NADK2: variants seen among roughly 807,000 people sequenced by gnomAD.
The protein encoded by NADK2 is NAD kinase domain-containing protein 1, mitochondrial.
Under a neutral mutation model 62.1 loss-of-function variants are expected in NADK2, and 35 were observed. The observed-to-expected ratio is 0.56, with a 90% CI of 0.43 to 0.75. The LOEUF is 0.75. Among genes scored for constraint, NADK2 ranks in the 30% least tolerant of loss-of-function variants. NADK2 has a pLI of 0.00. For synonymous variants in NADK2, 205 were observed against 207.9 expected (o/e 0.99, Z 0.12); for missense variants, 439 against 561.3 (o/e 0.78, Z 2.20).
At chr5:36,238,059 T>G (rs913940776) in intron 1 of NADK2, among the ~76,000 whole-genome samples, 3 of 152,186 alleles carry the variant, frequency 2.0e-5, no homozygotes, top group African/African-American at 7.2e-5. Flanking sequence ...GAGCAAGGAT[T>G]CAGTTAGAAA....
intron 8 of NADK2, among the ~76,000 whole-genome samples, chr5:36,202,762 T>C (rs1746494076): frequency 2.0e-5 from 3 of 152,082 alleles, no homozygotes; most frequent in South Asian, 4.1e-4. Context: ...GGAGGAGCTA[T>C]GTTTAGAAGG....
In NADK2 at chr5:36,241,383, C is replaced by G; in HGVS notation, c.300+116G>C. 1 of 1,353,416 alleles carries G rather than the reference C, an allele frequency of 7.4e-7. No individual in the cohort carries two copies. The highest frequency in any genetic ancestry group is 2.8e-4 in the Middle Eastern group (1 of 3,554). The allele number at this position is 1,353,416 out of a possible 1,614,324, so 83.8% of individuals were successfully genotyped here. On this transcript the variant is annotated intron_variant, in intron 1 of 11. Transcript: ENST00000381937. This position sits in a 1 kb window ranked among gnomAD's most constrained non-coding sequence, Gnocchi z 4.9. ...CCTGGGGGCCGCGAGAGAGGCAGGA[C>G]CGGCATCTGCGGTGCCCTGGGAAGA...
At position 36,241,827 on chromosome 5, in the gene NADK2, G is replaced by C; in HGVS notation, c.-29C>G. The C allele has an allele frequency of 7.9e-7, 1 of 1,273,766 alleles. No homozygotes were observed. Among genetic ancestry groups the C allele is most frequent in the African/African-American group, 1.6e-5 (1 of 63,542 alleles). 78.9% of individuals were successfully genotyped at this position (1,273,766 alleles called of 1,614,324 possible). A position where few individuals can be genotyped will look rare whatever the true frequency, so the allele number is the denominator to read the frequency against. On this transcript the variant is annotated 5_prime_UTR_variant, in exon 1 of 12. Transcript: ENST00000381937. The surrounding 1 kb of genome is among the most constrained non-coding windows in gnomAD (Gnocchi z 4.9). Reference sequence around the variant, plus strand: ...GGGCCGGGCCGCGGCCGCGGGCTTGGGCTCGGGCCCCTTGCCTCAGCTCCC... The same window carrying C: ...GGGCCGGGCCGCGGCCGCGGGCTTGCGCTCGGGCCCCTTGCCTCAGCTCCC...
intron 10 of NADK2, among the ~76,000 whole-genome samples, chr5:36,199,787 C>G (rs1746370502): frequency 1.3e-5 from 2 of 151,960 alleles, no homozygotes; most frequent in Non-Finnish European, 2.9e-5. Flanking sequence ...TCTAACAGCA[C>G]TAATTCTCTT....
chr5:36,203,981 A>AT (rs1746543150), intron 8 of NADK2, among the ~76,000 whole-genome samples: 1 of 152,108 alleles, frequency 6.6e-6, no homozygotes, highest in Non-Finnish European at 1.5e-5. Flanking sequence ...ATGACAGTGA[A>AT]AAGGGCACTG....
intron 4 of NADK2, among the ~76,000 whole-genome samples, chr5:36,220,372 G>A (rs1747218874): frequency 6.6e-6 from 1 of 152,298 alleles, no homozygotes; most frequent in Non-Finnish European, 1.5e-5. Context: ...GGTTGGTGTA[G>A]ATGAGAGTAT....
intron 4 of NADK2, 71 bp from the exon 5 acceptor site, chr5:36,219,750 C>A: frequency 1.8e-6 from 2 of 1,087,982 alleles, no homozygotes; most frequent in South Asian, 1.3e-5. Context: ...AAAATTTAAT[C>A]AAAAGGTATC....
At chr5:36,229,849 A>T (rs1747639979) in intron 1 of NADK2, among the ~76,000 whole-genome samples, 1 of 150,392 alleles carries the variant, frequency 6.6e-6, no homozygotes, top group Admixed American at 6.6e-5. Flanking sequence ...CATGTTCAAT[A>T]TCTAGCCCTT....
rs1210035214 is a variant in NADK2 at position 36,207,205 on chromosome 5, C to T, written c.921G>A (p.Gly307=). The change falls in exon 8 of 12, where the codon GGG becomes GGA. Residue 307 remains glycine, a synonymous_variant. Transcript: ENST00000381937. ...DGPWEKQKSS[G]LNLCTGTGSK... ...ATCCTGTTCCAGTACACAAATTGAG[C>T]CCTGAACTCTTCTGTTTTTCCCATG... 2 of 1,613,200 alleles carry T rather than the reference C, an allele frequency of 1.2e-6. No individual in the cohort carries two copies. The highest frequency in any genetic ancestry group is 1.7e-6 in the Non-Finnish European group (2 of 1,179,464).
At chr5:36,236,003 T>C (rs1279935262) in intron 1 of NADK2, among the ~76,000 whole-genome samples, 1 of 152,020 alleles carries the variant, frequency 6.6e-6, no homozygotes, top group Non-Finnish European at 1.5e-5. Flanking sequence ...TCACTGATAG[T>C]GACAAATAAA....
chr5:36,226,450 A>C lies in NADK2; in HGVS notation c.478+25T>G. 2.5e-6 allele frequency: 4 copies of C among 1,573,328 alleles called. 1 individual carries two copies. The highest frequency in any genetic ancestry group is 1.1e-5 in the South Asian group (1 of 90,126). ...GTATTAAACATTTGTATATGCCAAC[A>C]TCTTTACTTCTGTCAAATTATTACC... On this transcript the variant is annotated intron_variant, in intron 3 of 11. Coordinates refer to ENST00000381937, the MANE Select transcript of NADK2 (RefSeq NM_001085411.3).
intron 8 of NADK2, among the ~76,000 whole-genome samples, chr5:36,206,556 G>C (rs1220930674): frequency 6.6e-6 from 1 of 151,900 alleles, no homozygotes; most frequent in Non-Finnish European, 1.5e-5. Context: ...ATGGAGTCAG[G>C]GTAAATGCTG....
chr5:36,214,548 T>C (rs1188438252), intron 6 of NADK2, among the ~76,000 whole-genome samples: 1 of 152,220 alleles, frequency 6.6e-6, no homozygotes, highest in East Asian at 1.9e-4. Flanking sequence ...CACAGAAGTG[T>C]AATACTAGTG....
chr5:36,204,385 A>G (rs1237135367), intron 8 of NADK2, among the ~76,000 whole-genome samples: 2 of 152,138 alleles, frequency 1.3e-5, no homozygotes, highest in East Asian at 3.9e-4. Context: ...ACTCTTTTCA[A>G]TTATACCACT....
chr5:36,212,687 A>G (rs890467513), intron 6 of NADK2, among the ~76,000 whole-genome samples: 1 of 152,150 alleles, frequency 6.6e-6, no homozygotes, highest in Non-Finnish European at 1.5e-5. Flanking sequence ...GGACTCAAGT[A>G]TCTCCCACTA....
intron 6 of NADK2, among the ~76,000 whole-genome samples, chr5:36,216,613 T>C (rs1747054440): frequency 6.6e-6 from 1 of 152,168 alleles, no homozygotes; most frequent in Non-Finnish European, 1.5e-5. Flanking sequence ...GTGAACATCC[T>C]AGATGCTGAG....
chr5:36,224,866 G>C (rs1330773049), intron 4 of NADK2, among the ~76,000 whole-genome samples: 1 of 152,122 alleles, frequency 6.6e-6, no homozygotes. Context: ...AGTGCCAATA[G>C]TGTTTTTATT....
At chr5:36,231,119 T>G (rs954798542) in intron 1 of NADK2, among the ~76,000 whole-genome samples, 3 of 152,152 alleles carry the variant, frequency 2.0e-5, no homozygotes, top group African/African-American at 7.2e-5. Flanking sequence ...TAAATGCTAG[T>G]CTGGTAGTTC....
intron 4 of NADK2, chr5:36,221,822 A>G (rs1156386239): frequency 1.3e-5 from 2 of 152,204 alleles, no homozygotes; most frequent in Admixed American, 1.3e-4. Context: ...TACCTTAATG[A>G]TATAAAAATA....
Sources: allele counts gnomAD v4.1 joint callset (sites outside exome capture counted in the v4.1 genomes callset), GRCh38; gene constraint gnomAD v4.1.1; non-coding constraint Gnocchi (gnomAD v3.1); transcripts MANE v1.5; gene names NCBI Gene and HGNC (gene_info 2026-07-23, HGNC 2026-07-21).